Variants in DRC4 observed in about 807,000 individuals in gnomAD.
The protein encoded by DRC4 is GAS-11.
chr16:90,033,019 T>C, the DRC4 span: 1 of 1,141,778 alleles, frequency 8.8e-7, no homozygotes. Flanking sequence ...CAACTGGGAA[T>C]TCATATTTCT....
At chr16:90,032,811 C>G in the DRC4 span, 1 of 1,613,968 alleles carries the variant, frequency 6.2e-7, no homozygotes, top group East Asian at 2.2e-5. Flanking sequence ...GAAGCTGGCA[C>G]AGAAAGAGCA....
the DRC4 span, chr16:90,022,788 G>C: frequency 7.8e-7 from 1 of 1,286,724 alleles, no homozygotes; most frequent in Non-Finnish European, 9.9e-7. Context: ...GGGGCAGGGA[G>C]GCCTCGGTAC....
the DRC4 span, chr16:90,019,636 C>T: frequency 2.4e-6 from 1 of 419,408 alleles, no homozygotes; most frequent in Non-Finnish European, 4.2e-6. The surrounding 1 kb of genome is among the most constrained non-coding windows in gnomAD (Gnocchi z 6.1). Context: ...GCCGACCCTT[C>T]CCTCGCGGGC....
chr16:90,035,718 G>A, the DRC4 span: 3 of 1,614,164 alleles, frequency 1.9e-6, no homozygotes, highest in Admixed American at 3.3e-5. Flanking sequence ...TTGTGTAGGT[G>A]CCAGAGACAC....
chr16:90,030,832 G>T, the DRC4 span, among the ~76,000 whole-genome samples: 1 of 152,096 alleles, frequency 6.6e-6, no homozygotes, highest in Non-Finnish European at 1.5e-5. Context: ...TGCCCAAGCT[G>T]GTCTTCAGCT....
chr16:90,043,843 C>T, the DRC4 span: 9 of 465,802 alleles, frequency 1.9e-5, no homozygotes, highest in Non-Finnish European at 4.0e-5. Flanking sequence ...AAAGCCCGCT[C>T]TGTTGAGGGC....
the DRC4 span, chr16:90,022,323 G>T: frequency 5.3e-6 from 1 of 186,916 alleles, no homozygotes; most frequent in Non-Finnish European, 1.1e-5. Context: ...TTTGGGGAAA[G>T]TTTCAGAGGC....
chr16:90,020,608 A>C, the DRC4 span, among the ~76,000 whole-genome samples: 1 of 152,218 alleles, frequency 6.6e-6, no homozygotes, highest in Admixed American at 6.5e-5. Flanking sequence ...TTTTCTAAAA[A>C]TCTGAACTCG....
the DRC4 span, chr16:90,036,020 C>T: frequency 1.6e-5 from 15 of 948,626 alleles, no homozygotes; most frequent in East Asian, 3.0e-5. Context: ...TGAGAAGGCT[C>T]CAATTTCAGA....
chr16:90,032,381 T>C, the DRC4 span, among the ~76,000 whole-genome samples: 1 of 145,294 alleles, frequency 6.9e-6, no homozygotes, highest in Admixed American at 6.8e-5. Context: ...ACCAGGTGTG[T>C]ACGGGTACGG....
the DRC4 span, chr16:90,043,725 G>T: frequency 8.3e-6 from 4 of 484,046 alleles, no homozygotes; most frequent in Admixed American, 9.3e-5. Flanking sequence ...AGCTTTGCAG[G>T]TGCTGGCACT....
chr16:90,024,953 G>A, the DRC4 span, among the ~76,000 whole-genome samples: 1 of 151,922 alleles, frequency 6.6e-6, no homozygotes, highest in Non-Finnish European at 1.5e-5. Flanking sequence ...AGGAATATGG[G>A]TGATATTTCT....
At chr16:90,033,769 C>T in the DRC4 span, among the ~76,000 whole-genome samples, 1 of 152,026 alleles carries the variant, frequency 6.6e-6, no homozygotes, top group Non-Finnish European at 1.5e-5. Context: ...AAAGGAGAGA[C>T]AACAGGTGAG....
At chr16:90,026,714 C>G in the DRC4 span, among the ~76,000 whole-genome samples, 1 of 151,822 alleles carries the variant, frequency 6.6e-6, no homozygotes, top group Admixed American at 6.6e-5. Context: ...GACGGGGTCT[C>G]GTTCTACTGC....
At chr16:90,022,640 C>T in the DRC4 span, 2 of 1,376,930 alleles carry the variant, frequency 1.5e-6, no homozygotes, top group Non-Finnish European at 1.9e-6. Context: ...CGGCATCGCC[C>T]AGCGGTTGCC....
At chr16:90,037,172 G>T in the DRC4 span, 1 of 1,506,106 alleles carries the variant, frequency 6.6e-7, no homozygotes, top group Non-Finnish European at 8.9e-7. Flanking sequence ...CACCATGCAG[G>T]CCACAGCCCC....
the DRC4 span, chr16:90,019,912 C>A: frequency 1.0e-5 from 4 of 391,732 alleles, no homozygotes; most frequent in Admixed American, 1.4e-4. The surrounding 1 kb of genome is among the most constrained non-coding windows in gnomAD (Gnocchi z 6.1). Flanking sequence ...CGGGTGGGGG[C>A]GAGGGCGTGT....
the DRC4 span, among the ~76,000 whole-genome samples, chr16:90,028,629 A>T: frequency 6.6e-6 from 1 of 152,054 alleles, no homozygotes; most frequent in East Asian, 1.9e-4. Flanking sequence ...CTTCATTTGG[A>T]TGTAGTTAAG....
At chr16:90,040,264 G>A in the DRC4 span, 16 of 1,544,352 alleles carry the variant, frequency 1.0e-5, no homozygotes, top group African/African-American at 1.4e-5. Flanking sequence ...CCCAGGTGAG[G>A]GGCCTCATCG....
Sources: gnomAD v4.1 joint callset for allele counts (sites outside exome capture counted in the v4.1 genomes callset) on GRCh38, gnomAD v4.1.1 for gene constraint, Gnocchi (gnomAD v3.1) non-coding constraint, MANE v1.5 for transcripts, NCBI Gene and HGNC (gene_info 2026-07-23, HGNC 2026-07-21) for gene names.